VPS41: variants seen among roughly 807,000 people sequenced by gnomAD.
The protein encoded by VPS41 is vacuolar protein sorting-associated protein 41 homolog.
VPS41 carries 85 observed loss-of-function variants against 130.9 expected under a neutral mutation model. The observed-to-expected ratio is 0.65, with a 90% CI of 0.55 to 0.78. The LOEUF is 0.78. VPS41 is among the 30% of genes least tolerant of loss of function. The pLI, the probability that VPS41 is intolerant of heterozygous loss-of-function variation, is 0.00. For synonymous variants in VPS41, 335 were observed against 332.9 expected (o/e 1.01, Z -0.07); for missense variants, 874 against 1,018.7 (o/e 0.86, Z 1.93).
At chr7:38,737,654 T>A (rs1307995838) in intron 25 of VPS41, among the ~76,000 whole-genome samples, 5 of 152,138 alleles carry the variant, frequency 3.3e-5, no homozygotes, top group African/African-American at 1.2e-4. Context: ...CCACGTGGCA[T>A]GATTCTGCCA....
chr7:38,777,444 A>T (rs1388201635), intron 10 of VPS41, among the ~76,000 whole-genome samples: 1 of 152,220 alleles, frequency 6.6e-6, no homozygotes, highest in Non-Finnish European at 1.5e-5. Flanking sequence ...ATTGCACTGG[A>T]CCCCAAAGAT....
intron 8 of VPS41, 133 bp downstream of exon 8, chr7:38,796,612 A>G (rs563376887): frequency 1.5e-6 from 2 of 1,328,132 alleles, no homozygotes; most frequent in African/African-American, 1.4e-5. Context: ...TAGGTATGAT[A>G]CCAATCGTCC....
chr7:38,839,512 T>C (rs1481936288), intron 4 of VPS41, among the ~76,000 whole-genome samples: 1 of 151,212 alleles, frequency 6.6e-6, no homozygotes, highest in African/African-American at 2.4e-5. Context: ...AACCTCTGCC[T>C]GCTAACCAGC....
intron 25 of VPS41, among the ~76,000 whole-genome samples, chr7:38,739,054 G>A (rs1190228925): frequency 6.6e-6 from 1 of 152,194 alleles, no homozygotes; most frequent in Non-Finnish European, 1.5e-5. Context: ...GCTAATGAAT[G>A]ATCTCCCAAA....
chr7:38,821,115 A>T lies in VPS41; in HGVS notation c.384+88T>A, dbSNP rs1009717368. 3 of 957,788 alleles carry T rather than the reference A, an allele frequency of 3.1e-6. No individual in the cohort carries two copies. In the African/African-American group the frequency reaches 4.9e-5, roughly 16 times the overall value. 59.3% of individuals were successfully genotyped at this position (957,788 alleles called of 1,614,324 possible). On this transcript the variant is annotated intron_variant, in intron 6 of 28. Coordinates refer to ENST00000310301, the MANE Select transcript of VPS41 (RefSeq NM_014396.4). Reference sequence around the variant, plus strand: ...ACAGACACTTACTGACAAAATTAATACAGAAGTGGTAATGTTCAAATTACT... The same window carrying T: ...ACAGACACTTACTGACAAAATTAATTCAGAAGTGGTAATGTTCAAATTACT...
chr7:38,848,106 A>G (rs1449141509), intron 4 of VPS41, among the ~76,000 whole-genome samples: 2 of 152,188 alleles, frequency 1.3e-5, no homozygotes, highest in African/African-American at 2.4e-5. Flanking sequence ...ATCAATCCCC[A>G]TTAAATCATT....
At chr7:38,758,601 G>A in intron 17 of VPS41, 120 bp from the exon 18 acceptor site, 1 of 1,009,588 alleles carries the variant, frequency 9.9e-7, no homozygotes, top group South Asian at 1.7e-5. Flanking sequence ...AAAATCCTTA[G>A]AATCTCTAAA....
chr7:38,771,312 G>T, intron 13 of VPS41, 58 bp from the exon 14 acceptor site: 1 of 1,232,298 alleles, frequency 8.1e-7, no homozygotes, highest in South Asian at 1.3e-5. Flanking sequence ...AGGAGGGAGG[G>T]AAAATGGGAG....
chr7:38,738,499 G>A (rs900687133), intron 25 of VPS41, among the ~76,000 whole-genome samples: 6 of 152,038 alleles, frequency 3.9e-5, no homozygotes, highest in African/African-American at 1.4e-4. Flanking sequence ...AAATTCTCAA[G>A]GGAAAAAAGC....
intron 2 of VPS41, among the ~76,000 whole-genome samples, chr7:38,879,796 G>A (rs910780692): frequency 1.3e-5 from 2 of 151,888 alleles, no homozygotes; most frequent in Admixed American, 6.6e-5. Context: ...CCCCCACTGC[G>A]CACATGGACC....
intron 25 of VPS41, among the ~76,000 whole-genome samples, chr7:38,733,107 C>T (rs1476731723): frequency 6.6e-6 from 1 of 152,200 alleles, no homozygotes; most frequent in Non-Finnish European, 1.5e-5. Context: ...AGATTACAGG[C>T]ATGAACCACC....
In VPS41 at chr7:38,776,750, T is replaced by C. The variant is rs775372304; in HGVS notation, c.811A>G (p.Ile271Val). ...IVSQFETEFY[I>V]SGLAPLCDQL... ...TCACAGAGAGGTGCAAGTCCACTGATGTAGAATTCAGTTTCAAACTGAGAC... is the reference window on the plus strand; with the variant it reads ...TCACAGAGAGGTGCAAGTCCACTGACGTAGAATTCAGTTTCAAACTGAGAC... Residue 271 changes from isoleucine to valine, a missense_variant, in exon 11 of 29, where the codon ATC becomes GTC. By Grantham distance (29) the Ile-to-Val change is conservative (BLOSUM62 3). Transcript: ENST00000310301. 7 of 1,611,140 alleles carry C rather than the reference T, an allele frequency of 4.3e-6. No individual in the cohort carries two copies. The highest frequency in any genetic ancestry group is 4.0e-5 in the African/African-American group (3 of 74,842).
At chr7:38,889,528 T>A in intron 2 of VPS41, among the ~76,000 whole-genome samples, 1 of 143,034 alleles carries the variant, frequency 7.0e-6, no homozygotes, top group African/African-American at 2.6e-5. Flanking sequence ...ACAAATGCTG[T>A]ATCTGGTTAA....
chr7:38,904,644 C>T (rs1787217424), intron 1 of VPS41, among the ~76,000 whole-genome samples: 1 of 152,162 alleles, frequency 6.6e-6, no homozygotes, highest in Admixed American at 6.5e-5. Flanking sequence ...TTCATACTCA[C>T]AAAAGTTTTA....
At chr7:38,886,811 G>A (rs1238096384) in intron 2 of VPS41, among the ~76,000 whole-genome samples, 3 of 152,168 alleles carry the variant, frequency 2.0e-5, no homozygotes, top group East Asian at 3.9e-4. Flanking sequence ...CCTCTGGGAC[G>A]AAGCTTCCAG....
intron 6 of VPS41, among the ~76,000 whole-genome samples, chr7:38,820,953 G>A (rs1186975733): frequency 1.3e-5 from 2 of 151,384 alleles, no homozygotes; most frequent in Non-Finnish European, 2.9e-5. Context: ...GTGCGTGTGT[G>A]TGTGTATGTG....
At position 38,774,117 on chromosome 7, in the gene VPS41, A is replaced by G; in HGVS notation, c.1010T>C (p.Leu337Ser). Residue 337 changes from leucine (L) to serine (S), a missense_variant and splice_region_variant, in exon 12 of 29, where the codon TTA (leucine) becomes TCA (serine). Coordinates refer to ENST00000310301, the MANE Select transcript of VPS41 (RefSeq NM_014396.4). ...FQENECRDYH[L>S]EYSEGESLFY... The stretch of plus-strand genomic sequence containing the variant: ...GCCAGATCTTTCATATCTCCTACCT[A>G]AATGATAATCTCTACATTCATTCTC... 6.2e-7 allele frequency: 1 copy of G among 1,600,462 alleles called. No individual in the cohort carries two copies. The highest frequency in any genetic ancestry group is 2.2e-5 in the East Asian group (1 of 44,662).
intron 24 of VPS41, among the ~76,000 whole-genome samples, chr7:38,743,070 C>T (rs1795914860): frequency 5.6e-5 from 2 of 35,448 alleles, no homozygotes; most frequent in South Asian, 1.4e-3. Flanking sequence ...CATATACAAG[C>T]TAAAAACAAA....
intron 2 of VPS41, among the ~76,000 whole-genome samples, chr7:38,880,068 G>T (rs1386763897): frequency 6.6e-6 from 1 of 152,170 alleles, no homozygotes; most frequent in Non-Finnish European, 1.5e-5. Flanking sequence ...AAAAGGAAAT[G>T]ATAACCTGCA....
Sources: allele counts gnomAD v4.1 joint callset (sites outside exome capture counted in the v4.1 genomes callset), GRCh38; gene constraint gnomAD v4.1.1; transcripts MANE v1.5; gene names NCBI Gene and HGNC (gene_info 2026-07-23, HGNC 2026-07-21).